WDR7: variants seen among roughly 807,000 people sequenced by gnomAD.
WDR7 encodes the protein WD repeat-containing protein 7.
WDR7 carries 46 observed loss-of-function variants against 169.4 expected under a neutral mutation model. The observed-to-expected ratio is 0.27, with a 90% CI of 0.21 to 0.35. The LOEUF (loss-of-function observed/expected upper bound fraction) is 0.35. Among genes scored for constraint, WDR7 ranks in the 10% least tolerant of loss-of-function variants. WDR7 has a pLI of 1.00. For synonymous variants in WDR7, 612 were observed against 666.8 expected (o/e 0.92, Z 1.27); for missense variants, 1,534 against 1,859.3 (o/e 0.83, Z 3.22).
intron 26 of WDR7, among the ~76,000 whole-genome samples, chr18:57,004,427 C>A (rs2048026912): frequency 6.6e-6 from 1 of 152,094 alleles, no homozygotes; most frequent in Non-Finnish European, 1.5e-5. Flanking sequence ...GGAGATTGAA[C>A]TGGCACTATA....
intron 26 of WDR7, among the ~76,000 whole-genome samples, chr18:56,993,618 A>G (rs2047849617): frequency 6.6e-6 from 1 of 152,216 alleles, no homozygotes; most frequent in African/African-American, 2.4e-5. Context: ...TTCAGCTTTT[A>G]ACTCTGTAAA....
At position 56,999,675 on chromosome 18, in the gene WDR7, A is replaced by C. The variant is rs2145881924; in HGVS notation, c.4165-21070A>C. On this transcript the variant is annotated intron_variant, in intron 26 of 27. Transcript: ENST00000254442. Reference sequence around the variant, plus strand: ...AGAGATATATTATAGTAGAGAAAACAACTAAGGAAAAATAACAGAAACTAA... The same window carrying C: ...AGAGATATATTATAGTAGAGAAAACCACTAAGGAAAAATAACAGAAACTAA... Among the ~76,000 whole-genome samples, 3 of 152,256 alleles carry C rather than the reference A, an allele frequency of 2.0e-5. 1 individual carries two copies. Among genetic ancestry groups the C allele is most frequent in the Middle Eastern group, 6.8e-3 (2 of 294 alleles).
intron 13 of WDR7, among the ~76,000 whole-genome samples, chr18:56,724,204 T>C (rs1490636335): frequency 1.6e-5 from 2 of 122,870 alleles, no homozygotes; most frequent in Non-Finnish European, 3.2e-5. Context: ...TTGACATGCC[T>C]GGTAATTTTT....
At chr18:56,805,389 T>C (rs1049899920) in intron 19 of WDR7, among the ~76,000 whole-genome samples, 2 of 152,184 alleles carry the variant, frequency 1.3e-5, no homozygotes, top group African/African-American at 4.8e-5. Context: ...TTTTACTGTT[T>C]TGGGATTATG....
chr18:57,026,937 C>A (rs1489066491), intron 27 of WDR7, 67 bp from the exon 28 acceptor site: 2 of 1,516,846 alleles, frequency 1.3e-6, no homozygotes, highest in Non-Finnish European at 1.8e-6. Context: ...AGAGATCGAC[C>A]CAGTCTCTGT....
At chr18:56,940,338 T>C (rs1326648696) in intron 25 of WDR7, among the ~76,000 whole-genome samples, 4 of 152,242 alleles carry the variant, frequency 2.6e-5, no homozygotes. Flanking sequence ...GTGATTGTAC[T>C]CTATGAGCCT....
At chr18:56,808,348 CCA>C (rs202193676) in intron 19 of WDR7, among the ~76,000 whole-genome samples, 3,826 of 152,234 alleles carry the variant, frequency 0.025, 69 homozygotes, top group Middle Eastern at 0.092. Flanking sequence ...GACTGGAAAA[CCA>C]CAGTTGTGAG....
At chr18:56,996,074 A>T (rs755045937) in intron 26 of WDR7, among the ~76,000 whole-genome samples, 3 of 152,180 alleles carry the variant, frequency 2.0e-5, no homozygotes, top group Non-Finnish European at 2.9e-5. Flanking sequence ...AGCATGTCCC[A>T]CTTTTTAAAG....
chr18:56,977,151 A>G (rs1240371739), intron 26 of WDR7, among the ~76,000 whole-genome samples: 3 of 152,220 alleles, frequency 2.0e-5, no homozygotes, highest in Non-Finnish European at 4.4e-5. Context: ...TGACTGTTAC[A>G]TTTTAACTAC....
At chr18:56,969,195 G>C (rs930895063) in intron 26 of WDR7, among the ~76,000 whole-genome samples, 22 of 152,104 alleles carry the variant, frequency 1.4e-4, no homozygotes, top group Admixed American at 1.4e-3. Flanking sequence ...TCCTGTAACT[G>C]GCATAATAAT....
chr18:56,780,200 C>A (rs764020929), intron 18 of WDR7, among the ~76,000 whole-genome samples: 16 of 152,196 alleles, frequency 1.1e-4, no homozygotes, highest in Non-Finnish European at 2.4e-4. Context: ...GTGTTAATGG[C>A]CTTATTCTAT....
At chr18:57,004,021 A>G (rs1003413403) in intron 26 of WDR7, among the ~76,000 whole-genome samples, 25 of 150,876 alleles carry the variant, frequency 1.7e-4, no homozygotes, top group African/African-American at 5.8e-4. Context: ...ACATGTGTGT[A>G]TGTGTGTGTG....
intron 21 of WDR7, among the ~76,000 whole-genome samples, chr18:56,902,681 T>A (rs75362425): frequency 1.9e-3 from 297 of 152,328 alleles, no homozygotes; most frequent in African/African-American, 6.8e-3. Flanking sequence ...TAGTAAATTT[T>A]CAACTGTGCT....
At chr18:56,802,663 T>C (rs1031757311) in intron 19 of WDR7, among the ~76,000 whole-genome samples, 1 of 151,904 alleles carries the variant, frequency 6.6e-6, no homozygotes, top group Non-Finnish European at 1.5e-5. Flanking sequence ...CCACCGCACC[T>C]GGCCCAACAG....
intron 14 of WDR7, among the ~76,000 whole-genome samples, chr18:56,746,186 T>C (rs1014708084): frequency 5.3e-5 from 8 of 152,234 alleles, no homozygotes; most frequent in African/African-American, 1.4e-4. Context: ...AAATTCTATA[T>C]GATGCTGTCA....
At chr18:56,749,049 G>A (rs2043747258) in intron 14 of WDR7, among the ~76,000 whole-genome samples, 1 of 151,402 alleles carries the variant, frequency 6.6e-6, no homozygotes, top group Admixed American at 6.6e-5. Flanking sequence ...TTTTCCCTTA[G>A]CTATTTAAAA....
chr18:56,792,765 A>AACACAC (rs10551903), intron 19 of WDR7, among the ~76,000 whole-genome samples: 1,521 of 147,762 alleles, frequency 0.01, 20 homozygotes, highest in African/African-American at 0.036. Flanking sequence ...TATTTTCTTT[A>AACACAC]ACACACACAC....
chr18:56,785,675 G>A (rs1175061135), intron 19 of WDR7, among the ~76,000 whole-genome samples: 1 of 152,118 alleles, frequency 6.6e-6, no homozygotes, highest in East Asian at 1.9e-4. Context: ...TGATTGGGCT[G>A]GGACTAAGAT....
intron 26 of WDR7, among the ~76,000 whole-genome samples, chr18:56,979,082 C>A (rs759166936): frequency 1.1e-4 from 16 of 151,956 alleles, no homozygotes; most frequent in Non-Finnish European, 1.6e-4. Flanking sequence ...TAGCAACAGC[C>A]TTGAAGAAAG....
Sources: allele counts gnomAD v4.1 joint callset (sites outside exome capture counted in the v4.1 genomes callset), GRCh38; gene constraint gnomAD v4.1.1; transcripts MANE v1.5; gene names NCBI Gene and HGNC (gene_info 2026-07-23, HGNC 2026-07-21).